Variants in PAX8 observed in about 807,000 individuals in gnomAD.
PAX8 encodes paired box 8.
A neutral mutation model predicts 52.4 loss-of-function variants in PAX8; 15 were observed. The ratio of observed to expected loss-of-function variants is 0.29; its 90% CI spans 0.19 to 0.44. The LOEUF (loss-of-function observed/expected upper bound fraction) is 0.44. Among genes scored for constraint, PAX8 ranks in the 20% least tolerant of loss-of-function variants. The probability of loss-of-function intolerance (pLI) is 1.00; values close to 1 mark genes in which losing one functional copy is unlikely to be tolerated. For synonymous variants in PAX8, 284 were observed against 249.7 expected (o/e 1.14, Z -1.29); for missense variants, 554 against 602.5 (o/e 0.92, Z 0.84).
intron 4 of PAX8, 130 bp downstream of exon 4, chr2:113,244,297 G>T (rs1691129602): frequency 2.6e-6 from 2 of 781,556 alleles, no homozygotes; most frequent in Admixed American, 1.8e-5. Flanking sequence ...TGTGCTCCCT[G>T]CCTGATTGTT....
chr2:113,270,299 A>G (rs1208743977), intron 2 of PAX8: 1 of 152,192 alleles, frequency 6.6e-6, no homozygotes, highest in Non-Finnish European at 1.5e-5. Context: ...AGTGGCAGCT[A>G]TGTGCCAGGT....
At chr2:113,258,666 G>T (rs1692440832) in intron 2 of PAX8, among the ~76,000 whole-genome samples, 1 of 152,198 alleles carries the variant, frequency 6.6e-6, no homozygotes, top group Non-Finnish European at 1.5e-5. Context: ...AAGCTAATTT[G>T]TTTGCCCTAA....
intron 2 of PAX8, among the ~76,000 whole-genome samples, chr2:113,250,266 C>CAAA (rs35799959): frequency 9.7e-6 from 1 of 102,986 alleles, no homozygotes; most frequent in African/African-American, 3.4e-5. Flanking sequence ...GACTCCATCT[C>CAAA]AAAAAAAAAA....
chr2:113,227,065 G>A (rs1423418564), intron 10 of PAX8, 90 bp downstream of exon 10: 2 of 1,536,146 alleles, frequency 1.3e-6, no homozygotes, highest in Non-Finnish European at 1.7e-6. Context: ...TCTATGAATA[G>A]GGCACAGTAT....
rs1422611591 is a variant in PAX8, at chr2:113,217,204, G to A, written c.*1329C>T. 3.5e-5 allele frequency: 8 copies of A among 229,024 alleles called. No individual in the cohort carries two copies. The highest frequency in any genetic ancestry group is 6.9e-5 in the Non-Finnish European group (8 of 115,306). 14.2% of individuals were successfully genotyped at this position (229,024 alleles called of 1,614,324 possible). A position where few individuals can be genotyped will look rare whatever the true frequency, so the allele number is the denominator to read the frequency against. On this transcript the variant is annotated 3_prime_UTR_variant, in exon 12 of 12. Coordinates refer to ENST00000429538, the MANE Select transcript of PAX8 (RefSeq NM_003466.4). Reference sequence around the variant, plus strand: ...TACCCAGCGTTCAACGTGAATTAAAGGCAGAGGGAGAAGGCCAAGCCAGAG... The same window carrying A: ...TACCCAGCGTTCAACGTGAATTAAAAGCAGAGGGAGAAGGCCAAGCCAGAG...
intron 2 of PAX8, chr2:113,273,779 A>G (rs1160360147): frequency 1.3e-5 from 2 of 150,858 alleles, no homozygotes; most frequent in East Asian, 3.9e-4. Flanking sequence ...TTTTTTTTGC[A>G]TTATTTATAT....
chr2:113,232,388 T>G (rs930198425), intron 9 of PAX8, among the ~76,000 whole-genome samples: 4 of 152,220 alleles, frequency 2.6e-5, no homozygotes, highest in Non-Finnish European at 4.4e-5. Context: ...TGCTGAATTG[T>G]CAACCCTTGG....
Position 113,231,525 on chromosome 2 carries a change from A to G in PAX8, c.1087+3869T>C, listed in dbSNP as rs559725742. ...GCCACCAGGCGGAAATAAGTGACCC[A>G]GAGAAAAACGCTATGAAGTAGTGAA... is the stretch of plus-strand genomic sequence containing the variant. On this transcript the variant is annotated intron_variant, in intron 9 of 11. Transcript: ENST00000429538. Among the ~76,000 whole-genome samples the G allele has an allele frequency of 8.7e-4, 127 of 145,904 alleles. 9 individuals carry two copies. The highest frequency in any genetic ancestry group is 1.8e-3 in the Admixed American group (26 of 14,512).
At chr2:113,242,547 A>G (rs1573462895) in intron 5 of PAX8, 143 bp downstream of exon 5, 1 of 745,116 alleles carries the variant, frequency 1.3e-6, no homozygotes. Context: ...GGCACAACTC[A>G]GTCTACACAT....
At chr2:113,234,335 G>A (rs938720788) in intron 9 of PAX8, among the ~76,000 whole-genome samples, 3 of 152,172 alleles carry the variant, frequency 2.0e-5, no homozygotes, top group African/African-American at 7.2e-5. Context: ...TCTGCCAGGA[G>A]GAGCCAGCTC....
In PAX8 at chr2:113,235,509, T is replaced by C. The variant is rs1432185443; in HGVS notation, c.972A>G (p.Leu324=). The C allele has an allele frequency of 6.2e-7, 1 of 1,613,866 alleles. No homozygotes were observed. ...VSSSSSTPSS[L]SSSAFLDLQQ... ...GCAGATCCAAAAAGGCGGAGCTAGA[T>C]AAAGAGGAAGGGGTGGAGCTAGAAC... is the stretch of plus-strand genomic sequence containing the variant. Residue 324 remains leucine, a synonymous_variant, in exon 9 of 12, where the codon TTA becomes TTG. Transcript: ENST00000429538.
chr2:113,218,649 C>A, intron 11 of PAX8, 40 bp from the exon 12 acceptor site: 3 of 1,372,536 alleles, frequency 2.2e-6, no homozygotes, highest in South Asian at 2.5e-5. Context: ...CACTGCTGGT[C>A]AGAAAGGAAA....
intron 4 of PAX8, 23 bp from the exon 5 acceptor site, chr2:113,242,801 C>T: frequency 6.3e-7 from 1 of 1,588,612 alleles, no homozygotes. Context: ...GAAGAAAGGC[C>T]ATGAGAGAGA....
chr2:113,247,596 C>G (rs921136339), intron 2 of PAX8, among the ~76,000 whole-genome samples: 1 of 152,178 alleles, frequency 6.6e-6, no homozygotes, highest in South Asian at 2.1e-4. Flanking sequence ...GGTTCCAGGA[C>G]TGACACAGGG....
intron 2 of PAX8, among the ~76,000 whole-genome samples, chr2:113,277,575 C>T (rs895530775): frequency 3.3e-5 from 5 of 152,240 alleles, no homozygotes; most frequent in African/African-American, 9.6e-5. Context: ...CCGCGCTGCG[C>T]CTCCACCGCT....
intron 9 of PAX8, among the ~76,000 whole-genome samples, chr2:113,230,136 C>T (rs1299417223): frequency 6.6e-6 from 1 of 152,224 alleles, no homozygotes; most frequent in African/African-American, 2.4e-5. Flanking sequence ...GATTCTGAGG[C>T]AGCCTGTGTC....
At chr2:113,242,160 G>T (rs550370381) in intron 5 of PAX8, 30 bp from the exon 6 acceptor site, 10 of 1,602,712 alleles carry the variant, frequency 6.2e-6, no homozygotes, top group Non-Finnish European at 8.5e-6. Flanking sequence ...GAGGGTCAGG[G>T]GTGGGAGTGA....
rs1689463757 is a variant in PAX8 at position 113,224,827 on chromosome 2, AATAAAATAAAATAT to A, written c.1189+2314_1189+2327del. Among the ~76,000 whole-genome samples the A allele has an allele frequency of 6.9e-5, 10 of 144,208 alleles. No individual in the cohort carries two copies. The South Asian group carries it at 1.5e-3, about 21-fold the overall frequency. 94.6% of individuals were successfully genotyped at this position (144,208 alleles called of 152,430 possible). On this transcript the variant is annotated intron_variant, in intron 10 of 11. Coordinates refer to ENST00000429538, the MANE Select transcript of PAX8 (RefSeq NM_003466.4). Reference sequence around the variant, plus strand: ...AAAATAAAATAAAATAAAAAAATAAAATAAAATAAAATATAAAATAAAATAAAATAAAATAAAAT... The same window carrying A: ...AAAATAAAATAAAATAAAAAAATAAAAAAATAAAATAAAATAAAATAAAAT...
At position 113,273,271 on chromosome 2, in the gene PAX8, G is replaced by A. The variant is rs1328464920; in HGVS notation, c.25+5099C>T. Reference sequence around the variant, plus strand: ...CCGGAGAGGATGCTGGAGCAGGCTGGGGGACCAGAACCACAAACCAGCCCT... The same window carrying A: ...CCGGAGAGGATGCTGGAGCAGGCTGAGGGACCAGAACCACAAACCAGCCCT... On this transcript the variant is annotated intron_variant, in intron 2 of 11. Transcript: ENST00000429538. The A allele has an allele frequency of 2.6e-5, 4 of 152,402 alleles. No homozygotes were observed. In the South Asian group the frequency reaches 6.2e-4, roughly 24 times the overall value. 9.4% of individuals were successfully genotyped at this position (152,402 alleles called of 1,614,324 possible). A position where few individuals can be genotyped will look rare whatever the true frequency, so the allele number is the denominator to read the frequency against.
Sources: gnomAD v4.1 joint callset for allele counts (sites outside exome capture counted in the v4.1 genomes callset) on GRCh38, gnomAD v4.1.1 for gene constraint, MANE v1.5 for transcripts, NCBI Gene and HGNC (gene_info 2026-07-23, HGNC 2026-07-21) for gene names.